Variants in SPEN observed in about 807,000 individuals in gnomAD.
SPEN encodes spen family transcriptional repressor.
SPEN carries 18 observed loss-of-function variants against 269.9 expected under a neutral mutation model. The observed-to-expected ratio is 0.07, with a 90% confidence interval of 0.05 to 0.10. SPEN has a LOEUF of 0.10. Among genes scored for constraint, SPEN ranks in the 10% least tolerant of loss-of-function variants. The probability of loss-of-function intolerance (pLI) is 1.00; values close to 1 mark genes in which losing one functional copy is unlikely to be tolerated. For missense variants in SPEN, 3,822 were observed against 4,631.2 expected (o/e 0.83, Z 5.07); for synonymous variants, 1,726 against 1,765.7 (o/e 0.98, Z 0.56).
chr1:15,872,779 T>G, intron 1 of SPEN, 37 bp from the exon 2 acceptor site: 2 of 1,450,804 alleles, frequency 1.4e-6, no homozygotes, highest in South Asian at 1.6e-5. Context: ...GGAAAATTAT[T>G]GATATGCAGC....
chr1:15,915,099 GT>G (rs2071045820), intron 5 of SPEN, among the ~76,000 whole-genome samples: 1 of 152,174 alleles, frequency 6.6e-6, no homozygotes, highest in South Asian at 2.1e-4. Context: ...TCAGAGTATA[GT>G]TTTATACGCC....
Position 15,847,826 on chromosome 1 carries a change from C to T in SPEN, c.-242C>T. 1 of 242,878 alleles carries T rather than the reference C, an allele frequency of 4.1e-6. No individual in the cohort carries two copies. Among genetic ancestry groups the T allele is most frequent in the Non-Finnish European group, 7.9e-6 (1 of 126,032 alleles). 15.0% of individuals were successfully genotyped at this position (242,878 alleles called of 1,614,324 possible). On this transcript the variant is annotated 5_prime_UTR_variant, in exon 1 of 15. Coordinates refer to ENST00000375759, the MANE Select transcript of SPEN (RefSeq NM_015001.3). ...TGCCCGGGCGCATGCGCTGCCGGAGCGCGAGGGTCGGCTTCGGGTGTGTGG... is the reference window on the plus strand; with the variant it reads ...TGCCCGGGCGCATGCGCTGCCGGAGTGCGAGGGTCGGCTTCGGGTGTGTGG...
intron 8 of SPEN, 75 bp from the exon 9 acceptor site, chr1:15,920,795 T>A (rs1002000113): frequency 5.8e-6 from 4 of 686,468 alleles, no homozygotes; most frequent in Non-Finnish European, 9.6e-6. Context: ...TCCTTGTGGC[T>A]TAGGATTTTG....
At position 15,934,894 on chromosome 1, in the gene SPEN, C is replaced by T. The variant is rs2071259268; in HGVS notation, c.8654C>T (p.Thr2885Met). ...AGYANVATHSTLVLTAQTYNA... is the reference protein window; with the variant it reads ...AGYANVATHSMLVLTAQTYNA... ...TATGCGAACGTGGCCACCCATTCCA[C>T]GTTGGTACTGACCGCCCAGACATAT... The change falls in exon 11 of 15, where the codon ACG (threonine) becomes ATG (methionine). Residue 2885 changes from threonine (T) to methionine (M), a missense_variant. Transcript: ENST00000375759. The surrounding 1 kb of genome is among the most constrained non-coding windows in gnomAD (Gnocchi z 9.2). 3 of 1,614,150 alleles carry T rather than the reference C, an allele frequency of 1.9e-6. No homozygotes were observed. Among genetic ancestry groups the T allele is most frequent in the Non-Finnish European group, 1.7e-6 (2 of 1,180,026 alleles).
chr1:15,934,487 A>C lies in SPEN; in HGVS notation c.8247A>C (p.Ala2749=). ...VTVTAGAVTA[A]SGGVTATTGT... is the part of the protein sequence containing the mutation. ...TCACAGCGGGTGCGGTTACTGCTGC[A>C]TCTGGTGGTGTAACGGCCACAACAG... The change falls in exon 11 of 15, where the codon GCA becomes GCC. Residue 2749 remains alanine, a synonymous_variant. Transcript: ENST00000375759. The surrounding 1 kb of genome is among the most constrained non-coding windows in gnomAD (Gnocchi z 9.2). 3 of 1,614,080 alleles carry C rather than the reference A, an allele frequency of 1.9e-6. No homozygotes were observed. The highest frequency in any genetic ancestry group is 2.5e-6 in the Non-Finnish European group (3 of 1,180,048).
intron 1 of SPEN, among the ~76,000 whole-genome samples, chr1:15,872,038 C>T (rs2070582136): frequency 6.6e-6 from 1 of 150,838 alleles, no homozygotes; most frequent in Non-Finnish European, 1.5e-5. Flanking sequence ...AGTGCAAGAC[C>T]AGCCTGGGCA....
At position 15,928,177 on chromosome 1, in the gene SPEN, C is replaced by T; in HGVS notation, c.1937C>T (p.Ser646Phe). The part of the protein sequence containing the change: ...VRTPGTYPED[S>F]RRDYPARGRE... ...ACTCCAGGCACTTATCCTGAGGATTCCAGGCGGGACTATCCAGCTCGAGGG... is the reference window on the plus strand; with the variant it reads ...ACTCCAGGCACTTATCCTGAGGATTTCAGGCGGGACTATCCAGCTCGAGGG... Residue 646 changes from serine (S) to phenylalanine (F), a missense_variant, in exon 11 of 15, where the codon TCC (serine) becomes TTC (phenylalanine). Physicochemically the swap from Ser to Phe is radical, Grantham distance 155. Transcript: ENST00000375759. The surrounding 1 kb of genome is among the most constrained non-coding windows in gnomAD (Gnocchi z 5.7). The T allele has an allele frequency of 6.2e-7, 1 of 1,614,032 alleles. No individual in the cohort carries two copies. The highest frequency in any genetic ancestry group is 8.5e-7 in the Non-Finnish European group (1 of 1,179,988).
chr1:15,868,438 C>A (rs1281415715), intron 1 of SPEN, among the ~76,000 whole-genome samples: 3 of 141,986 alleles, frequency 2.1e-5, no homozygotes, highest in Non-Finnish European at 3.1e-5. Flanking sequence ...TAGAATAAAA[C>A]TTTTTTTTTT....
At chr1:15,890,558 G>GTTT (rs1174783667) in intron 3 of SPEN, among the ~76,000 whole-genome samples, 2,700 of 129,592 alleles carry the variant, frequency 0.021, 102 homozygotes, top group African/African-American at 0.076. Flanking sequence ...TTTGACTCAG[G>GTTT]TTTTTTTTTT....
intron 3 of SPEN, among the ~76,000 whole-genome samples, chr1:15,882,192 G>A (rs1403793715): frequency 2.0e-5 from 3 of 152,124 alleles, no homozygotes; most frequent in South Asian, 4.1e-4. Context: ...ACTGCTCGAC[G>A]TCTTTTTGTT....
intron 3 of SPEN, 116 bp downstream of exon 3, chr1:15,876,794 G>A: frequency 1.2e-6 from 1 of 813,594 alleles, no homozygotes. Context: ...GATCATATAT[G>A]TATGTAATCA....
chr1:15,919,241 CA>C (rs2071094157), intron 7 of SPEN, among the ~76,000 whole-genome samples, 162 bp from the exon 8 acceptor site: 1 of 152,096 alleles, frequency 6.6e-6, no homozygotes, highest in Non-Finnish European at 1.5e-5. Flanking sequence ...ATTAGCCAGG[CA>C]GGATTTTTTT....
Position 15,932,355 on chromosome 1 carries a change from A to G in SPEN, c.6115A>G (p.Ser2039Gly). 1 of 1,614,134 alleles carries G rather than the reference A, an allele frequency of 6.2e-7. No homozygotes were observed. Among genetic ancestry groups the G allele is most frequent in the Non-Finnish European group, 8.5e-7 (1 of 1,180,026 alleles). Residue 2039 changes from serine to glycine, a missense_variant, in exon 11 of 15, where the codon AGT becomes GGT. Physicochemically the swap from Ser to Gly is moderately conservative, Grantham distance 56. Transcript: ENST00000375759. This position sits in a 1 kb window ranked among gnomAD's most constrained non-coding sequence, Gnocchi z 4.2. ...EPKAAEEEAGSEQKRDRKDAG... is the reference protein window; with the variant it reads ...EPKAAEEEAGGEQKRDRKDAG... The stretch of plus-strand genomic sequence containing the variant: ...CAAGGCTGCTGAGGAGGAGGCAGGG[A>G]GTGAACAGAAACGTGACAGAAAAGA...
At chr1:15,879,720 G>C (rs577677460) in intron 3 of SPEN, among the ~76,000 whole-genome samples, 1 of 151,690 alleles carries the variant, frequency 6.6e-6, no homozygotes, top group Non-Finnish European at 1.5e-5. Flanking sequence ...ACCCAGGCTG[G>C]AATGCAGTGG....
chr1:15,865,850 A>G (rs1365239964), intron 1 of SPEN, among the ~76,000 whole-genome samples: 2 of 150,660 alleles, frequency 1.3e-5, no homozygotes, highest in Non-Finnish European at 3.0e-5. Context: ...TTTTGACTTT[A>G]TATCTTGCTA....
chr1:15,931,434 G>T lies in SPEN; in HGVS notation c.5194G>T (p.Asp1732Tyr). 2.5e-6 allele frequency: 4 copies of T among 1,614,158 alleles called. No individual in the cohort carries two copies. The highest frequency in any genetic ancestry group is 3.4e-6 in the Non-Finnish European group (4 of 1,180,020). ...GSSGDQPPYL[D>Y]AKPPTPGASF... ...ATCAGGTGACCAGCCGCCTTATCTG[G>T]ATGCCAAGCCTCCAACTCCCGGGGC... is the stretch of plus-strand genomic sequence containing the variant. Residue 1732 changes from aspartate to tyrosine, a missense_variant, in exon 11 of 15, where the codon GAT becomes TAT. Physicochemically the swap from Asp to Tyr is radical, Grantham distance 160 (BLOSUM62 -3). Transcript: ENST00000375759. The surrounding 1 kb of genome is among the most constrained non-coding windows in gnomAD (Gnocchi z 4.8).
intron 3 of SPEN, among the ~76,000 whole-genome samples, chr1:15,888,696 G>A (rs900995726): frequency 1.3e-5 from 2 of 149,780 alleles, no homozygotes; most frequent in Middle Eastern, 6.9e-3. Context: ...ACAATGGCGC[G>A]ATCTCGGCTC....
At chr1:15,919,601 A>G (rs1341224951) in intron 8 of SPEN, 84 bp downstream of exon 8, 7 of 778,756 alleles carry the variant, frequency 9.0e-6, no homozygotes, top group South Asian at 7.1e-5. Context: ...GTTGGCTAGC[A>G]TTGCCTATTT....
chr1:15,930,300 A>G lies in SPEN; in HGVS notation c.4060A>G (p.Ser1354Gly). ...ACAGGATGCTGGCAGATTTGATGTGAGTTTCCCAAACAGCATAATTAAGAG... is the reference window on the plus strand; with the variant it reads ...ACAGGATGCTGGCAGATTTGATGTGGGTTTCCCAAACAGCATAATTAAGAG... ...MKQDAGRFDV[S>G]FPNSIIKRDS... is the part of the protein sequence containing the mutation. The change falls in exon 11 of 15, where the codon AGT becomes GGT. Residue 1354 changes from serine to glycine, a missense_variant. This residue lies in a region of SPEN where 267 missense variants were observed against 315.5 expected (regional missense o/e 0.85). Coordinates refer to ENST00000375759, the MANE Select transcript of SPEN (RefSeq NM_015001.3). The surrounding 1 kb of genome is among the most constrained non-coding windows in gnomAD (Gnocchi z 5.3). The G allele has an allele frequency of 6.2e-7, 1 of 1,614,182 alleles. No homozygotes were observed.
Sources: allele counts gnomAD v4.1 joint callset (sites outside exome capture counted in the v4.1 genomes callset), GRCh38; gene constraint gnomAD v4.1.1; regional missense constraint gnomAD v4.1.1; non-coding constraint Gnocchi (gnomAD v3.1); transcripts MANE v1.5; gene names NCBI Gene and HGNC (gene_info 2026-07-23, HGNC 2026-07-21).